Variants in CCSER1 observed in about 807,000 individuals in gnomAD.
CCSER1 encodes the protein serine-rich coiled-coil domain-containing protein 1.
CCSER1 carries 41 observed loss-of-function variants against 82.0 expected under a neutral mutation model. The ratio of observed to expected loss-of-function variants is 0.50; its 90% CI spans 0.39 to 0.65. CCSER1 has a LOEUF of 0.65. CCSER1 is among the 30% of genes least tolerant of loss of function. CCSER1 has a pLI of 0.00. For synonymous variants in CCSER1, 414 were observed against 383.9 expected (o/e 1.08, Z -0.92); for missense variants, 1,119 against 1,064.2 (o/e 1.05, Z -0.72).
intron 1 of CCSER1, among the ~76,000 whole-genome samples, chr4:90,193,771 A>G (rs1392691323): frequency 6.6e-6 from 1 of 152,086 alleles, no homozygotes. Context: ...TTGATAAAAA[A>G]GAAAAAACAT....
chr4:91,410,011 G>A (rs1313630796), intron 10 of CCSER1, among the ~76,000 whole-genome samples: 2 of 152,166 alleles, frequency 1.3e-5, no homozygotes, highest in Admixed American at 1.3e-4. Context: ...TAACTTTAAA[G>A]AATTTCCATA....
intron 9 of CCSER1, among the ~76,000 whole-genome samples, chr4:91,008,180 A>G (rs1268503442): frequency 1.3e-5 from 2 of 152,192 alleles, no homozygotes; most frequent in African/African-American, 2.4e-5. Flanking sequence ...TTCCATGTAT[A>G]TGAGAGGAAT....
chr4:91,137,141 C>G (rs1728555184), intron 10 of CCSER1, among the ~76,000 whole-genome samples: 1 of 137,936 alleles, frequency 7.2e-6, no homozygotes, highest in Non-Finnish European at 1.6e-5. Context: ...AGGTATATCT[C>G]CCAATGCTAT....
intron 1 of CCSER1, among the ~76,000 whole-genome samples, chr4:90,167,076 T>A (rs184485218): frequency 6.6e-6 from 1 of 152,180 alleles, no homozygotes; most frequent in Admixed American, 6.5e-5. Context: ...TGACTTCACC[T>A]TGCATTAGCC....
chr4:90,769,851 A>G (rs1751808961), intron 7 of CCSER1, among the ~76,000 whole-genome samples: 1 of 152,168 alleles, frequency 6.6e-6, no homozygotes, highest in Non-Finnish European at 1.5e-5. Context: ...TGTTAACTGG[A>G]TGTTAATTAG....
intron 10 of CCSER1, among the ~76,000 whole-genome samples, chr4:91,386,871 G>T (rs1578333784): frequency 6.6e-6 from 1 of 151,982 alleles, no homozygotes; most frequent in South Asian, 2.1e-4. Context: ...AAACAAAAAA[G>T]ATGCATAAAC....
intron 10 of CCSER1, among the ~76,000 whole-genome samples, chr4:91,520,367 G>A (rs996138549): frequency 6.7e-6 from 1 of 150,028 alleles, no homozygotes; most frequent in Non-Finnish European, 1.5e-5. Flanking sequence ...GCCTCCCTGA[G>A]TGCCAGGGCA....
chr4:90,652,137 AT>A (rs1728869008), intron 6 of CCSER1, among the ~76,000 whole-genome samples: 1 of 152,066 alleles, frequency 6.6e-6, no homozygotes, highest in African/African-American at 2.4e-5. Context: ...AATATGCAAA[AT>A]TTTTTCCTGT....
At chr4:91,585,611 T>C (rs996032770) in intron 10 of CCSER1, among the ~76,000 whole-genome samples, 5 of 151,580 alleles carry the variant, frequency 3.3e-5, no homozygotes, top group African/African-American at 1.2e-4. Context: ...AATTAAATTC[T>C]GGGTTGTGAA....
At position 90,599,523 on chromosome 4, in the gene CCSER1, G is replaced by C. The variant is rs149679987; in HGVS notation, c.1725-28502G>C. ...TCTTAGGTAGTATCTCCATAGCAGT[G>C]TTAAAATGGACTAATACAGTGGTGA... On this transcript the variant is annotated intron_variant, in intron 5 of 10. Coordinates refer to ENST00000509176, the MANE Select transcript of CCSER1 (RefSeq NM_001145065.2). Among the ~76,000 whole-genome samples, 112 of 152,250 alleles carry C rather than the reference G, an allele frequency of 7.4e-4. 1 individual carries two copies. In the East Asian group the frequency reaches 0.017, roughly 23 times the overall value.
intron 8 of CCSER1, among the ~76,000 whole-genome samples, chr4:90,847,227 G>A (rs1193981102): frequency 6.6e-6 from 1 of 151,994 alleles, no homozygotes; most frequent in Non-Finnish European, 1.5e-5. Flanking sequence ...TACTTTTCTG[G>A]GACATATATA....
chr4:90,440,473 G>A (rs1176294785), intron 4 of CCSER1, among the ~76,000 whole-genome samples: 2 of 152,196 alleles, frequency 1.3e-5, no homozygotes, highest in Non-Finnish European at 2.9e-5. Context: ...GTAAAGAAAG[G>A]CAATGGCTTA....
intron 6 of CCSER1, among the ~76,000 whole-genome samples, chr4:90,692,331 C>A (rs1205781670): frequency 6.6e-6 from 1 of 151,794 alleles, no homozygotes; most frequent in East Asian, 1.9e-4. Flanking sequence ...AAATGCTGCT[C>A]ATTTCTAACT....
intron 10 of CCSER1, among the ~76,000 whole-genome samples, chr4:91,583,402 A>G (rs1763828331): frequency 6.6e-6 from 1 of 151,304 alleles, no homozygotes; most frequent in Admixed American, 6.6e-5. Flanking sequence ...AATTGCATCT[A>G]TCTCCTTATG....
chr4:91,600,390 T>C lies in CCSER1; in HGVS notation c.*1333T>C, dbSNP rs1764771380. The C allele has an allele frequency of 6.6e-6, 1 of 152,188 alleles. No homozygotes were observed. The highest frequency in any genetic ancestry group is 1.9e-4 in the East Asian group (1 of 5,198). The allele number at this position is 152,188 out of a possible 1,614,324, so 9.4% of individuals were successfully genotyped here. A position where few individuals can be genotyped will look rare whatever the true frequency, so the allele number is the denominator to read the frequency against. On this transcript the variant is annotated 3_prime_UTR_variant, in exon 11 of 11. Coordinates refer to ENST00000509176, the MANE Select transcript of CCSER1 (RefSeq NM_001145065.2). ...AGGAATCAAGGCTGCAGTTTTCTTA[T>C]ACACATCAGAGCTGTTAAGTACATC...
At chr4:90,928,942 C>T (rs566024081) in intron 9 of CCSER1, among the ~76,000 whole-genome samples, 22 of 152,082 alleles carry the variant, frequency 1.4e-4, no homozygotes, top group Non-Finnish European at 2.5e-4. Flanking sequence ...CCTGAGGGAA[C>T]AGCCGACGCA....
At chr4:91,083,551 G>A (rs528615426) in intron 9 of CCSER1, among the ~76,000 whole-genome samples, 156 of 151,826 alleles carry the variant, frequency 1.0e-3, no homozygotes, top group Non-Finnish European at 1.8e-3. Flanking sequence ...AGAACTTAAC[G>A]TAAAATAAAG....
chr4:91,520,179 A>G (rs1483520410), intron 10 of CCSER1, among the ~76,000 whole-genome samples: 2 of 152,026 alleles, frequency 1.3e-5, no homozygotes, highest in Non-Finnish European at 2.9e-5. Flanking sequence ...TTTAATATAC[A>G]TGGATATATG....
At chr4:90,911,494 G>A (rs62312307) in intron 8 of CCSER1, 18,935 of 331,004 alleles carry the variant, frequency 0.057, 799 homozygotes, top group Admixed American at 0.14. Flanking sequence ...AAATAATCTT[G>A]GGGGCGGTTC....
Sources: allele counts gnomAD v4.1 joint callset (sites outside exome capture counted in the v4.1 genomes callset), GRCh38; gene constraint gnomAD v4.1.1; transcripts MANE v1.5; gene names NCBI Gene and HGNC (gene_info 2026-07-23, HGNC 2026-07-21).